The following PCM1 variants were observed in gnomAD, a reference collection of about 807,000 sequenced individuals.
PCM1 encodes pericentriolar material 1.
Under a neutral mutation model 241.9 loss-of-function variants are expected in PCM1, and 157 were observed. That is an observed-to-expected ratio of 0.65 (90% confidence interval 0.57 to 0.74). The LOEUF (loss-of-function observed/expected upper bound fraction) is 0.74, where lower values mean the gene tolerates loss of function less well. Among genes scored for constraint, PCM1 ranks in the 30% least tolerant of loss-of-function variants. The pLI is 0.00. For synonymous variants in PCM1, 1,085 were observed against 784.9 expected (o/e 1.38, Z -6.39); for missense variants, 3,478 against 2,360.1 (o/e 1.47, Z -9.81).
At chr8:17,931,246 A>C (rs2058930508) in intron 2 of PCM1, among the ~76,000 whole-genome samples, 1 of 152,048 alleles carries the variant, frequency 6.6e-6, no homozygotes, top group Non-Finnish European at 1.5e-5. Context: ...GGGGGAATTT[A>C]TTGTGATAGG....
At chr8:18,005,019 T>G (rs192615348) in intron 29 of PCM1, among the ~76,000 whole-genome samples, 47 of 152,290 alleles carry the variant, frequency 3.1e-4, no homozygotes, top group Admixed American at 4.6e-4. Flanking sequence ...TTTCACGTAT[T>G]AGCTGTTTGT....
At chr8:17,957,845 A>G (rs2069352012) in intron 13 of PCM1, 70 bp downstream of exon 13, 4 of 1,063,350 alleles carry the variant, frequency 3.8e-6, no homozygotes, top group African/African-American at 3.2e-5. Context: ...TTTGTGTATG[A>G]TAATTACTTT....
At chr8:18,008,491 C>T (rs751910221) in intron 30 of PCM1, among the ~76,000 whole-genome samples, 1 of 152,086 alleles carries the variant, frequency 6.6e-6, no homozygotes, top group South Asian at 2.1e-4. Flanking sequence ...TGAATCATTC[C>T]GAAACCTTCC....
Position 17,948,294 on chromosome 8 carries a change from C to CTTT in PCM1, c.961+956_961+958dup, listed in dbSNP as rs550672840. Among the ~76,000 whole-genome samples, 422 of 64,004 alleles carry CTTT rather than the reference C, an allele frequency of 6.6e-3. 32 individuals are homozygous for CTTT. Among genetic ancestry groups the CTTT allele is most frequent in the African/African-American group, 0.025 (393 of 15,838 alleles). The allele number at this position is 64,004 out of a possible 152,430, so 42.0% of individuals were successfully genotyped here. On this transcript the variant is annotated intron_variant, in intron 7 of 38. Transcript: ENST00000325083. ...GAACGTTATGACTTTCAAATAACCT[C>CTTT]TTTTTTTTTTTTTTTTTTTTTTTTT... is the stretch of plus-strand genomic sequence containing the variant.
At chr8:18,005,675 G>T (rs572607115) in intron 29 of PCM1, among the ~76,000 whole-genome samples, 11 of 152,242 alleles carry the variant, frequency 7.2e-5, no homozygotes, top group African/African-American at 2.6e-4. Flanking sequence ...GAAGTGATTT[G>T]TTAAGAAAGT....
rs138274014 is a variant in PCM1, at chr8:18,010,797, A to G, written c.5220+129A>G. The G allele has an allele frequency of 4.9e-3, 3,030 of 614,314 alleles. 47 individuals are homozygous for G. The highest frequency in any genetic ancestry group is 0.031 in the East Asian group (1,013 of 32,402). 38.1% of individuals were successfully genotyped at this position (614,314 alleles called of 1,614,324 possible). On this transcript the variant is annotated intron_variant, in intron 32 of 38. Coordinates refer to ENST00000325083, the MANE Select transcript of PCM1 (RefSeq NM_006197.4). ...AGATTTCCAGACCAGCCTGGCCAACATGGTGAAACCCCGTCCATACTAAAA... is the reference window on the plus strand; with the variant it reads ...AGATTTCCAGACCAGCCTGGCCAACGTGGTGAAACCCCGTCCATACTAAAA...
chr8:17,942,344 G>A (rs993824542), intron 6 of PCM1, among the ~76,000 whole-genome samples: 11 of 152,178 alleles, frequency 7.2e-5, no homozygotes, highest in African/African-American at 2.6e-4. Flanking sequence ...GCGCACGCCT[G>A]TAATCCCAGC....
chr8:17,980,935 G>T (rs1438194302), intron 24 of PCM1, among the ~76,000 whole-genome samples, 180 bp downstream of exon 24: 1 of 152,146 alleles, frequency 6.6e-6, no homozygotes. Flanking sequence ...AATATTTTGT[G>T]TTATACTATT....
chr8:17,966,295 C>T, intron 19 of PCM1, 33 bp from the exon 20 acceptor site: 1 of 1,610,082 alleles, frequency 6.2e-7, no homozygotes, highest in African/African-American at 1.3e-5. Flanking sequence ...CTCAAGTCAT[C>T]AGTAACTATT....
chr8:17,933,848 A>G (rs1198422087), intron 2 of PCM1, among the ~76,000 whole-genome samples: 1 of 152,018 alleles, frequency 6.6e-6, no homozygotes, highest in African/African-American at 2.4e-5. Context: ...TAGCATTCTT[A>G]TTTTGGTCTT....
intron 10 of PCM1, chr8:17,955,923 A>G (rs1447269246): frequency 6.8e-6 from 3 of 441,306 alleles, no homozygotes; most frequent in Non-Finnish European, 1.3e-5. Flanking sequence ...AAATATTTCT[A>G]TATTCAGATG....
chr8:17,942,425 C>T (rs1354319633), intron 6 of PCM1, among the ~76,000 whole-genome samples: 2 of 151,364 alleles, frequency 1.3e-5, no homozygotes, highest in Non-Finnish European at 2.9e-5. Context: ...CACTGCACTC[C>T]AGCATGGGTG....
intron 29 of PCM1, among the ~76,000 whole-genome samples, chr8:17,994,810 T>C (rs967601722): frequency 1.3e-5 from 2 of 151,562 alleles, no homozygotes; most frequent in Non-Finnish European, 2.9e-5. Flanking sequence ...TTTATGTGCC[T>C]GTTTGCCATT....
intron 6 of PCM1, among the ~76,000 whole-genome samples, chr8:17,943,644 C>G (rs1300567323): frequency 6.6e-6 from 1 of 151,824 alleles, no homozygotes; most frequent in Admixed American, 6.6e-5. Flanking sequence ...GCATTTATTT[C>G]ATTTTGACTT....
chr8:17,978,378 C>T (rs371925412), intron 23 of PCM1, among the ~76,000 whole-genome samples: 2 of 151,900 alleles, frequency 1.3e-5, no homozygotes, highest in African/African-American at 4.8e-5. Flanking sequence ...TGTTGTCTAG[C>T]CAGGAGAGAA....
At chr8:17,955,091 C>G (rs1378029640) in intron 9 of PCM1, among the ~76,000 whole-genome samples, 1 of 152,066 alleles carries the variant, frequency 6.6e-6, no homozygotes, top group Non-Finnish European at 1.5e-5. Context: ...TTAACTTAAC[C>G]TAGAACCAAG....
At chr8:17,980,815 T>C (rs1207202064) in intron 24 of PCM1, 60 bp downstream of exon 24, 2 of 1,337,118 alleles carry the variant, frequency 1.5e-6, no homozygotes, top group Admixed American at 2.0e-5. Context: ...TTTGAAAAGC[T>C]ATAATAAAGC....
intron 22 of PCM1, among the ~76,000 whole-genome samples, chr8:17,970,377 C>T (rs994294785): frequency 1.3e-5 from 2 of 151,630 alleles, no homozygotes; most frequent in African/African-American, 4.8e-5. Context: ...AGGAAGGTCT[C>T]AGGCTCTTAT....
rs1434191819 is a variant in PCM1, at chr8:18,027,942, G to C, written c.*280G>C. On this transcript the variant is annotated 3_prime_UTR_variant, in exon 39 of 39. Coordinates refer to ENST00000325083, the MANE Select transcript of PCM1 (RefSeq NM_006197.4). ...TGTTTGGTAACGAATTTAAAATGTA[G>C]TTTTAAATAAAGTTTGGACTTATCT... 1 of 340,058 alleles carries C rather than the reference G, an allele frequency of 2.9e-6. No homozygotes were observed. Among genetic ancestry groups the C allele is most frequent in the Non-Finnish European group, 5.3e-6 (1 of 190,074 alleles). 21.1% of individuals were successfully genotyped at this position (340,058 alleles called of 1,614,324 possible).
Sources: allele counts gnomAD v4.1 joint callset (sites outside exome capture counted in the v4.1 genomes callset), GRCh38; gene constraint gnomAD v4.1.1; transcripts MANE v1.5; gene names NCBI Gene and HGNC (gene_info 2026-07-23, HGNC 2026-07-21).